The following SRRM3 variants were observed in gnomAD, a reference collection of about 807,000 sequenced individuals.
The protein encoded by SRRM3 is serine/arginine repetitive matrix 3.
SRRM3 carries 27 observed loss-of-function variants against 66.2 expected under a neutral mutation model. The observed-to-expected ratio is 0.41, with a 90% CI of 0.30 to 0.56. SRRM3 has a LOEUF of 0.56. Ranked by LOEUF, SRRM3 falls within the 20% of genes least tolerant of loss-of-function variation. SRRM3 has a pLI of 0.32. For synonymous variants in SRRM3, 391 were observed against 414.9 expected (o/e 0.94, Z 0.70); for missense variants, 918 against 991.9 (o/e 0.93, Z 1.00).
At chr7:76,237,288 TC>T (rs1355915969) in intron 2 of SRRM3, among the ~76,000 whole-genome samples, 2 of 152,208 alleles carry the variant, frequency 1.3e-5, no homozygotes, top group East Asian at 3.9e-4. Context: ...GCACCTCTAG[TC>T]CCAGCTGCTC....
intron 11 of SRRM3, among the ~76,000 whole-genome samples, chr7:76,271,381 G>A (rs1386382798): frequency 6.6e-6 from 1 of 152,090 alleles, no homozygotes; most frequent in African/African-American, 2.4e-5. Flanking sequence ...GGGAGATGAG[G>A]GAGGAGAATC....
intron 11 of SRRM3, chr7:76,273,105 G>A (rs1802252307): frequency 6.6e-6 from 1 of 152,440 alleles, no homozygotes; most frequent in Non-Finnish European, 1.5e-5. Context: ...GTTTCTGTTT[G>A]CTTCTGTCAT....
At position 76,259,879 on chromosome 7, in the gene SRRM3, G is replaced by A. The variant is rs552585265; in HGVS notation, c.336-27G>A. 2.8e-5 allele frequency: 44 copies of A among 1,599,884 alleles called. No individual in the cohort carries two copies. In the African/African-American group the frequency reaches 5.2e-4, roughly 19 times the overall value. On this transcript the variant is annotated intron_variant, in intron 3 of 14. Transcript: ENST00000611745. ...GGTGAAGAAAAGTCGTCCCGAGACT[G>A]GTGGTGAGCGTCCCTGTCGCCGGCA...
intron 1 of SRRM3, among the ~76,000 whole-genome samples, chr7:76,211,621 G>C (rs1800433235): frequency 6.6e-6 from 1 of 152,010 alleles, no homozygotes; most frequent in East Asian, 1.9e-4. Context: ...ATGGCCTGGG[G>C]CCTTTCCTCT....
intron 5 of SRRM3, 136 bp from the exon 6 acceptor site, chr7:76,260,738 G>A (rs1801843059): frequency 1.2e-6 from 1 of 804,398 alleles, no homozygotes; most frequent in Non-Finnish European, 2.0e-6. Flanking sequence ...TGGCCCTGGG[G>A]AGGAGGGGCC....
At chr7:76,282,602 C>A (rs1300986827) in intron 12 of SRRM3, 46 bp from the exon 13 acceptor site, 3 of 1,179,552 alleles carry the variant, frequency 2.5e-6, no homozygotes, top group Non-Finnish European at 3.3e-6. Flanking sequence ...CCCCAGCCCC[C>A]TTTCCGGGTC....
chr7:76,283,304 T>C (rs1263347599), intron 14 of SRRM3, among the ~76,000 whole-genome samples: 1 of 146,876 alleles, frequency 6.8e-6, no homozygotes, highest in Non-Finnish European at 1.5e-5. Context: ...GGTGCTGGGG[T>C]CTATCAGAGA....
chr7:76,282,263 C>G (rs1196764936), intron 12 of SRRM3, among the ~76,000 whole-genome samples: 24 of 139,882 alleles, frequency 1.7e-4, no homozygotes, highest in Non-Finnish European at 2.5e-4. Flanking sequence ...TGATGCCAAC[C>G]CCCCAGGGAG....
chr7:76,231,278 G>GA (rs1414025505), intron 1 of SRRM3, among the ~76,000 whole-genome samples: 2 of 152,130 alleles, frequency 1.3e-5, no homozygotes, highest in Non-Finnish European at 2.9e-5. Context: ...CTGTTCTAGT[G>GA]AAAATCCAGA....
chr7:76,274,843 C>G (rs1426795684), intron 11 of SRRM3, among the ~76,000 whole-genome samples: 1 of 152,236 alleles, frequency 6.6e-6, no homozygotes, highest in African/African-American at 2.4e-5. Flanking sequence ...CAGTGGCTCA[C>G]GCCTGTAATC....
At chr7:76,236,005 CAAAAA>C (rs1161706465) in intron 2 of SRRM3, among the ~76,000 whole-genome samples, 227 of 20,266 alleles carry the variant, frequency 0.011, 2 homozygotes, top group African/African-American at 0.035. Context: ...GATTCTGTCT[CAAAAA>C]AAAAAAAAAA....
chr7:76,235,116 A>T lies in SRRM3; in HGVS notation c.50A>T (p.Asp17Val), dbSNP rs1801108449. Residue 17 changes from aspartate to valine, a missense_variant, in exon 2 of 15, where the codon GAC becomes GTC. Coordinates refer to ENST00000611745, the MANE Select transcript of SRRM3 (RefSeq NM_001110199.3). ...GCGGCCAGCATGCAGTCCACACCCG[A>T]CGCCGCGAACGGCTTCCCGCAGCCC... ...NGAASMQSTPDAANGFPQPSS... is the reference protein window; with the variant it reads ...NGAASMQSTPVAANGFPQPSS... The T allele has an allele frequency of 1.3e-6, 2 of 1,585,976 alleles. No homozygotes were observed.
At chr7:76,276,793 G>A (rs1554611210) in intron 11 of SRRM3, among the ~76,000 whole-genome samples, 2 of 152,166 alleles carry the variant, frequency 1.3e-5, no homozygotes, top group Non-Finnish European at 1.5e-5. Flanking sequence ...AAGGACATGA[G>A]AGGTGCCTTC....
At chr7:76,251,270 G>T (rs1554606840) in intron 3 of SRRM3, among the ~76,000 whole-genome samples, 1 of 152,170 alleles carries the variant, frequency 6.6e-6, no homozygotes, top group Non-Finnish European at 1.5e-5. Context: ...TCACAAGGGG[G>T]TAAAACTTCC....
intron 1 of SRRM3, among the ~76,000 whole-genome samples, chr7:76,207,172 C>T (rs916604330): frequency 6.6e-6 from 1 of 152,104 alleles, no homozygotes; most frequent in Non-Finnish European, 1.5e-5. Flanking sequence ...TGTGGTGGCA[C>T]GTGCCTGTAG....
chr7:76,270,762 G>A (rs1009966412), intron 11 of SRRM3, among the ~76,000 whole-genome samples: 4 of 151,268 alleles, frequency 2.6e-5, no homozygotes, highest in African/African-American at 7.3e-5. Context: ...TGCAGTGAGC[G>A]GAGATCATAC....
intron 1 of SRRM3, among the ~76,000 whole-genome samples, chr7:76,204,142 C>T (rs1157869863): frequency 6.6e-6 from 1 of 152,130 alleles, no homozygotes; most frequent in Non-Finnish European, 1.5e-5. Context: ...TTCACCCTCA[C>T]CTCCTGAGAT....
chr7:76,210,919 C>T (rs1217146670), intron 1 of SRRM3, among the ~76,000 whole-genome samples: 1 of 152,124 alleles, frequency 6.6e-6, no homozygotes, highest in South Asian at 2.1e-4. Flanking sequence ...TCTCCTGCCT[C>T]AGCCTCCCGA....
chr7:76,203,048 C>G (rs1285998082), intron 1 of SRRM3, among the ~76,000 whole-genome samples: 1 of 152,198 alleles, frequency 6.6e-6, no homozygotes, highest in Non-Finnish European at 1.5e-5. Context: ...AAGGCAGGTG[C>G]TGGGCTTTGA....
Sources: gnomAD v4.1 joint callset for allele counts (sites outside exome capture counted in the v4.1 genomes callset) on GRCh38, gnomAD v4.1.1 for gene constraint, MANE v1.5 for transcripts, NCBI Gene and HGNC (gene_info 2026-07-23, HGNC 2026-07-21) for gene names.